HTR3B: variants seen among roughly 807,000 people sequenced by gnomAD.
HTR3B encodes 5-hydroxytryptamine receptor 3B.
A neutral mutation model predicts 42.8 loss-of-function variants in HTR3B; 44 were observed. The ratio of observed to expected loss-of-function variants is 1.03; its 90% confidence interval spans 0.81 to 1.32. The LOEUF (loss-of-function observed/expected upper bound fraction) is 1.32, where lower values mean the gene tolerates loss of function less well. Ranked by LOEUF, HTR3B falls within the 40% of genes most tolerant of loss-of-function variation. The pLI is 0.00. For missense variants in HTR3B, 527 were observed against 536.5 expected, an observed-to-expected ratio of 0.98 and a Z score of 0.17; for synonymous variants, 203 against 209.0, an observed-to-expected ratio of 0.97 and a Z score of 0.25.
Position 113,907,718 on chromosome 11 carries a change from A to G in HTR3B, c.53-1577A>G, listed in dbSNP as rs185870651. Among the ~76,000 whole-genome samples the G allele has an allele frequency of 5.3e-5, 8 of 152,300 alleles. No individual in the cohort carries two copies. In the East Asian group the frequency reaches 1.5e-3, roughly 29 times the overall value. On this transcript the variant is annotated intron_variant, in intron 1 of 8. Coordinates refer to ENST00000260191, the MANE Select transcript of HTR3B (RefSeq NM_006028.5). ...TGTGAGCAGACAGTGCGAGGAACAC[A>G]TATTCATTTCTCAGAATTATGTTTT...
At chr11:113,904,653 G>A (rs1949720974), upstream of HTR3B, 4 of 380,520 alleles carry the variant, frequency 1.1e-5, no homozygotes, top group African/African-American at 2.1e-5. Context: ...GCTATCTCCT[G>A]TCAGGAAAAT....
At chr11:113,934,701 G>T (rs1022806481) in intron 6 of HTR3B, among the ~76,000 whole-genome samples, 1 of 151,280 alleles carries the variant, frequency 6.6e-6, no homozygotes, top group Non-Finnish European at 1.5e-5. Context: ...AGCAAAGCTT[G>T]CATTGTGGCC....
intron 2 of HTR3B, among the ~76,000 whole-genome samples, chr11:113,917,676 C>G (rs1297614340): frequency 1.3e-5 from 2 of 152,038 alleles, no homozygotes; most frequent in African/African-American, 4.8e-5. Flanking sequence ...AGCGGCATGT[C>G]TCACTGCAGC....
At chr11:113,933,174 C>G (rs780164789) in intron 6 of HTR3B, 81 bp downstream of exon 6, 10 of 1,358,530 alleles carry the variant, frequency 7.4e-6, no homozygotes, top group Non-Finnish European at 9.1e-6. Flanking sequence ...AATTTCTGCT[C>G]TATTGCATGT....
intron 2 of HTR3B, among the ~76,000 whole-genome samples, chr11:113,915,702 AT>A (rs1949845072): frequency 6.6e-6 from 1 of 152,218 alleles, no homozygotes; most frequent in Non-Finnish European, 1.5e-5. Context: ...GGTGAGTTGT[AT>A]GATGGGTCTA....
intron 8 of HTR3B, among the ~76,000 whole-genome samples, chr11:113,945,456 C>T (rs955030163): frequency 1.3e-5 from 2 of 152,144 alleles, no homozygotes; most frequent in Admixed American, 6.6e-5. Flanking sequence ...TTTTTATCCC[C>T]AATTTTAACC....
chr11:113,942,963 A>T lies in HTR3B; in HGVS notation c.697-19A>T. 1 of 1,612,030 alleles carries T rather than the reference A, an allele frequency of 6.2e-7. No individual in the cohort carries two copies. Among genetic ancestry groups the T allele is most frequent in the Non-Finnish European group, 8.5e-7 (1 of 1,178,240 alleles). On this transcript the variant is annotated intron_variant, in intron 6 of 8. Coordinates refer to ENST00000260191, the MANE Select transcript of HTR3B (RefSeq NM_006028.5). The stretch of plus-strand genomic sequence containing the variant: ...TTGGCCTAGATCCTCTTTTCATCAG[A>T]CCACTTGTTCCCGGCCAGGTGGTGA...
intron 2 of HTR3B, among the ~76,000 whole-genome samples, chr11:113,924,248 C>T (rs1160830091): frequency 2.6e-5 from 4 of 152,184 alleles, no homozygotes; most frequent in East Asian, 3.9e-4. Flanking sequence ...TTGATTGCAA[C>T]CAAGCCTAGA....
Position 113,904,843 on chromosome 11 carries a change from C to T in HTR3B, c.-91C>T. ...ACTGGCAAACGGAGAAGGAGGAGAA[C>T]AGAGTGGAGAGGAACCCTGTTAGGA... On this transcript the variant is annotated 5_prime_UTR_variant, in exon 1 of 9. Coordinates refer to ENST00000260191, the MANE Select transcript of HTR3B (RefSeq NM_006028.5). The T allele has an allele frequency of 1.0e-6, 1 of 993,660 alleles. No individual in the cohort carries two copies. The allele number at this position is 993,660 out of a possible 1,614,324, so 61.6% of individuals were successfully genotyped here.
intron 2 of HTR3B, among the ~76,000 whole-genome samples, chr11:113,917,724 C>T (rs577099360): frequency 6.6e-6 from 1 of 152,170 alleles, no homozygotes; most frequent in African/African-American, 2.4e-5. Context: ...CCTGCCTCAC[C>T]CTCCTGAGTA....
intron 1 of HTR3B, among the ~76,000 whole-genome samples, chr11:113,908,395 G>A (rs558584610): frequency 2.0e-5 from 3 of 152,246 alleles, no homozygotes; most frequent in South Asian, 2.1e-4. Context: ...AAATTCACAC[G>A]CAGGACACTA....
Position 113,947,586 on chromosome 11 carries a change from A to G in HTR3B, c.*1449A>G, listed in dbSNP as rs1040312777. On this transcript the variant is annotated 3_prime_UTR_variant, in exon 9 of 9. Coordinates refer to ENST00000260191, the MANE Select transcript of HTR3B (RefSeq NM_006028.5). ...TGCTGACTTCTTGCTTTGTTTTCAC[A>G]TGACCTTTCCTCTGTGCATGCTCAT... Among the ~76,000 whole-genome samples the G allele has an allele frequency of 2.0e-5, 3 of 152,120 alleles. No individual in the cohort carries two copies. The highest frequency in any genetic ancestry group is 4.4e-5 in the Non-Finnish European group (3 of 68,030).
chr11:113,928,359 C>T (rs1295665137), intron 2 of HTR3B, among the ~76,000 whole-genome samples: 4 of 152,250 alleles, frequency 2.6e-5, no homozygotes, highest in Middle Eastern at 3.4e-3. Context: ...ACCCATTCAA[C>T]GATAACTTTC....
At chr11:113,919,907 A>T (rs1177984171) in intron 2 of HTR3B, among the ~76,000 whole-genome samples, 1 of 152,140 alleles carries the variant, frequency 6.6e-6, no homozygotes, top group Non-Finnish European at 1.5e-5. Context: ...CTTTTTACTG[A>T]TTCAGGTTAC....
intron 2 of HTR3B, among the ~76,000 whole-genome samples, chr11:113,925,624 A>G (rs1321403011): frequency 6.6e-6 from 1 of 151,816 alleles, no homozygotes; most frequent in East Asian, 1.9e-4. Flanking sequence ...GGGTTTCACC[A>G]TGTTGGCCAG....
In HTR3B at chr11:113,946,012, C is replaced by T. The variant is rs376442657; in HGVS notation, c.1201C>T (p.Gln401Ter). ...CCAAACTCAGGACCAGACAGACCAA[C>T]AGGAGGCAGAGTGGCTGGTCCTCCT... is the stretch of plus-strand genomic sequence containing the variant. ...YLQTQDQTDQ[Q>*]EAEWLVLLSR... is the part of the protein sequence containing the mutation. The change falls in exon 9 of 9, where the codon CAG (glutamine) becomes TAG (stop). Residue 401 changes from glutamine (Q) to a stop codon, truncating the protein, a stop_gained. Transcript: ENST00000260191. LOFTEE classifies it low-confidence loss of function (END_TRUNC). The T allele has an allele frequency of 6.2e-7, 1 of 1,614,136 alleles. No individual in the cohort carries two copies. The highest frequency in any genetic ancestry group is 8.5e-7 in the Non-Finnish European group (1 of 1,180,000).
intron 7 of HTR3B, 125 bp from the exon 8 acceptor site, chr11:113,944,448 C>A: frequency 2.5e-6 from 2 of 812,458 alleles, no homozygotes; most frequent in South Asian, 1.7e-5. Flanking sequence ...CTACAGTGAG[C>A]CATGATTGCA....
intron 2 of HTR3B, among the ~76,000 whole-genome samples, chr11:113,923,608 A>G (rs1430426127): frequency 1.3e-5 from 2 of 152,188 alleles, no homozygotes; most frequent in East Asian, 1.9e-4. Context: ...CTAACCACCA[A>G]TTTAGATCTA....
intron 2 of HTR3B, among the ~76,000 whole-genome samples, chr11:113,921,164 TG>T (rs1254240901): frequency 1.4e-5 from 2 of 147,422 alleles, no homozygotes; most frequent in Admixed American, 1.4e-4. Context: ...ATTTTTTTTT[TG>T]AGTCAGAGTC....
Sources: allele counts gnomAD v4.1 joint callset (sites outside exome capture counted in the v4.1 genomes callset), GRCh38; gene constraint gnomAD v4.1.1; transcripts MANE v1.5; gene names NCBI Gene and HGNC (gene_info 2026-07-23, HGNC 2026-07-21).